Variants in RSPO3 observed in about 807,000 individuals in gnomAD.
RSPO3 encodes the protein R-spondin-3.
Under a neutral mutation model 36.5 loss-of-function variants are expected in RSPO3, and 17 were observed. The observed-to-expected ratio is 0.47, with a 90% CI of 0.32 to 0.70. The LOEUF is 0.70. Ranked by LOEUF, RSPO3 falls within the 30% of genes least tolerant of loss-of-function variation. RSPO3 has a pLI of 0.04. For synonymous variants in RSPO3, 108 were observed against 107.0 expected (o/e 1.01, Z -0.06); for missense variants, 294 against 322.5 (o/e 0.91, Z 0.68).
At chr6:127,137,727 TCA>T (rs1178431363) in intron 1 of RSPO3, among the ~76,000 whole-genome samples, 1 of 152,184 alleles carries the variant, frequency 6.6e-6, no homozygotes, top group Non-Finnish European at 1.5e-5. Context: ...TCCATTTGTC[TCA>T]GTTTTTCTTT....
At chr6:127,121,833 C>A (rs1259661335) in intron 1 of RSPO3, among the ~76,000 whole-genome samples, 3 of 152,218 alleles carry the variant, frequency 2.0e-5, no homozygotes, top group African/African-American at 7.2e-5. Flanking sequence ...TGTGGTCAAA[C>A]GTGTTTTCAA....
rs1049043441 is a variant in RSPO3 at position 127,133,670 on chromosome 6, T to C, written c.97+14381T>C. ...TATGGCTAGAATTCAAAAGTTTAAG[T>C]TTCTTTTTGCACATTCATGGAAGTT... On this transcript the variant is annotated intron_variant, in intron 1 of 4. Transcript: ENST00000356698. 5.9e-5 allele frequency among the ~76,000 whole-genome samples: 9 copies of C among 152,214 alleles called. No homozygotes were observed. The East Asian group carries it at 1.5e-3, about 26-fold the overall frequency.
intron 4 of RSPO3, among the ~76,000 whole-genome samples, chr6:127,168,324 G>A (rs1774863082): frequency 6.6e-6 from 1 of 152,054 alleles, no homozygotes; most frequent in Admixed American, 6.6e-5. Flanking sequence ...TTCTCATTGT[G>A]GTTTTGATTT....
rs533527879 is a variant in RSPO3, at chr6:127,181,710, C to T, written c.635-14113C>T. ...CTGACATAAGAGATAAACAAGTAAG[C>T]CAACCTTACTTCTGCTTTCCTTCAG... is the stretch of plus-strand genomic sequence containing the variant. On this transcript the variant is annotated intron_variant, in intron 4 of 4. Transcript: ENST00000356698. Among the ~76,000 whole-genome samples the T allele has an allele frequency of 2.7e-4, 41 of 151,962 alleles. No individual in the cohort carries two copies. The South Asian group carries it at 8.5e-3, about 32-fold the overall frequency.
intron 4 of RSPO3, among the ~76,000 whole-genome samples, chr6:127,156,268 C>T (rs1774596881): frequency 6.6e-6 from 1 of 152,038 alleles, no homozygotes; most frequent in African/African-American, 2.4e-5. Context: ...ATTACAGAAC[C>T]TATTCCATCA....
chr6:127,143,036 C>T (rs1166099448), intron 1 of RSPO3, among the ~76,000 whole-genome samples: 1 of 150,248 alleles, frequency 6.7e-6, no homozygotes, highest in Non-Finnish European at 1.5e-5. Context: ...CCAGGCTAGT[C>T]TCAAACTCCT....
intron 1 of RSPO3, among the ~76,000 whole-genome samples, chr6:127,131,374 T>C (rs946742100): frequency 2.6e-5 from 4 of 152,128 alleles, no homozygotes; most frequent in Non-Finnish European, 5.9e-5. Context: ...TTTTAAACTG[T>C]TTGCCTCTGA....
intron 3 of RSPO3, among the ~76,000 whole-genome samples, chr6:127,154,070 T>C (rs908525301): frequency 4.6e-5 from 7 of 152,160 alleles, no homozygotes; most frequent in Non-Finnish European, 1.0e-4. Context: ...CTCAGGGACC[T>C]GAAAGTGTCT....
intron 1 of RSPO3, among the ~76,000 whole-genome samples, chr6:127,127,390 G>A (rs1489061654): frequency 6.6e-6 from 1 of 152,104 alleles, no homozygotes; most frequent in Non-Finnish European, 1.5e-5. Flanking sequence ...GCCAAAGTAT[G>A]TGTAAGTGCT....
chr6:127,148,721 T>G lies in RSPO3; in HGVS notation c.171T>G (p.Cys57Trp), dbSNP rs775249188. The change falls in exon 2 of 5, where the codon TGT becomes TGG. Residue 57 changes from cysteine to tryptophan, a missense_variant. Physicochemically the swap from Cys to Trp is radical, Grantham distance 215. Around this residue, in one of 3 missense-constraint regions of RSPO3, gnomAD observed 43 missense variants for 86.0 expected, o/e 0.50. Transcript: ENST00000356698. ...TCSDYNGCLS[C>W]KPRLFFALER... ...CAGATTACAATGGATGTTTGTCATG[T>G]AAGCCCAGACTATTTTTTGCTCTGG... 6.2e-7 allele frequency: 1 copy of G among 1,613,328 alleles called. No individual in the cohort carries two copies. The highest frequency in any genetic ancestry group is 8.5e-7 in the Non-Finnish European group (1 of 1,179,462).
chr6:127,151,766 A>C (rs1774494921), intron 3 of RSPO3, among the ~76,000 whole-genome samples: 1 of 152,110 alleles, frequency 6.6e-6, no homozygotes, highest in Non-Finnish European at 1.5e-5. Flanking sequence ...TTTCTTCTCT[A>C]GTTGTAAAAA....
intron 4 of RSPO3, among the ~76,000 whole-genome samples, chr6:127,175,630 T>C (rs1775037852): frequency 6.6e-6 from 1 of 151,736 alleles, no homozygotes; most frequent in South Asian, 2.1e-4. Flanking sequence ...AGAAATCCTT[T>C]TTCTCCCTGT....
chr6:127,119,398 G>A (rs1339227962), intron 1 of RSPO3, 109 bp downstream of exon 1: 22 of 789,450 alleles, frequency 2.8e-5, no homozygotes, highest in Admixed American at 1.5e-4. Context: ...CCCGCCCTGC[G>A]CCTCGCAGAG....
chr6:127,124,332 T>C (rs1233755808), intron 1 of RSPO3, among the ~76,000 whole-genome samples: 2 of 152,084 alleles, frequency 1.3e-5, no homozygotes, highest in Non-Finnish European at 2.9e-5. Flanking sequence ...TAGTGAATTC[T>C]TGAAATGCCA....
At chr6:127,180,487 CAAAAAA>C (rs71543112) in intron 4 of RSPO3, among the ~76,000 whole-genome samples, 8 of 42,642 alleles carry the variant, frequency 1.9e-4, no homozygotes, top group African/African-American at 5.9e-4. Context: ...TGGAAGAAAA[CAAAAAA>C]AAAAAAAAAA....
Position 127,169,496 on chromosome 6 carries a change from G to A in RSPO3, c.634+14058G>A, listed in dbSNP as rs149146559. ...TGCTGATGTAATTAAGAAGACTTAT[G>A]TTAGAACTAATTCTAGATTTCTTCC... On this transcript the variant is annotated intron_variant, in intron 4 of 4. Transcript: ENST00000356698. Among the ~76,000 whole-genome samples the A allele has an allele frequency of 3.2e-3, 484 of 151,928 alleles. 2 individuals are homozygous for A. The highest frequency in any genetic ancestry group is 4.9e-3 in the Non-Finnish European group (330 of 67,874).
At chr6:127,127,849 C>T (rs1386048362) in intron 1 of RSPO3, among the ~76,000 whole-genome samples, 1 of 151,890 alleles carries the variant, frequency 6.6e-6, no homozygotes, top group Non-Finnish European at 1.5e-5. Flanking sequence ...AACCATAAGC[C>T]TTTTTTCAAA....
intron 4 of RSPO3, among the ~76,000 whole-genome samples, chr6:127,165,380 C>A (rs1057450356): frequency 6.6e-6 from 1 of 151,994 alleles, no homozygotes; most frequent in African/African-American, 2.4e-5. Flanking sequence ...ATCTGCTATG[C>A]TGCTTATCTG....
intron 4 of RSPO3, among the ~76,000 whole-genome samples, chr6:127,168,337 A>C (rs1774863531): frequency 6.6e-6 from 1 of 151,906 alleles, no homozygotes; most frequent in Non-Finnish European, 1.5e-5. Flanking sequence ...TTTGATTTGC[A>C]TTTCTCTGAT....
Sources: gnomAD v4.1 joint callset for allele counts (sites outside exome capture counted in the v4.1 genomes callset) on GRCh38, gnomAD v4.1.1 for gene constraint, gnomAD v4.1.1 regional missense constraint, MANE v1.5 for transcripts, NCBI Gene and HGNC (gene_info 2026-07-23, HGNC 2026-07-21) for gene names.